Variants in COL5A2 observed in about 807,000 individuals in gnomAD.
The protein encoded by COL5A2 is collagen alpha-2(V) chain.
A neutral mutation model predicts 208.2 loss-of-function variants in COL5A2; 23 were observed. That is an observed-to-expected ratio of 0.11 (90% confidence interval 0.08 to 0.16). The LOEUF (loss-of-function observed/expected upper bound fraction) is 0.16, where lower values mean the gene tolerates loss of function less well. Among genes scored for constraint, COL5A2 ranks in the 10% least tolerant of loss-of-function variants. The pLI is 1.00. For synonymous variants in COL5A2, 625 were observed against 628.5 expected (o/e 0.99, Z 0.08); for missense variants, 1,590 against 1,956.4 (o/e 0.81, Z 3.53).
chr2:189,117,698 C>A (rs1687420361), intron 1 of COL5A2, among the ~76,000 whole-genome samples: 1 of 151,122 alleles, frequency 6.6e-6, no homozygotes, highest in South Asian at 2.1e-4. Flanking sequence ...CACACACATA[C>A]AACCATAACA....
intron 1 of COL5A2, among the ~76,000 whole-genome samples, chr2:189,126,208 G>T (rs1162663048): frequency 1.3e-5 from 2 of 151,770 alleles, no homozygotes. Context: ...AGAAATGTTA[G>T]TAAAGAAAAA....
rs540998943 is a variant in COL5A2, at chr2:189,080,267, T to C, written c.907-236A>G. ...GCAGTGTTCTCACCCTTCAAACACTTGTGACTTCATAGAAATTTAATCTGT... is the reference window on the plus strand; with the variant it reads ...GCAGTGTTCTCACCCTTCAAACACTCGTGACTTCATAGAAATTTAATCTGT... On this transcript the variant is annotated intron_variant, in intron 13 of 53. Coordinates refer to ENST00000374866, the MANE Select transcript of COL5A2 (RefSeq NM_000393.5). Among the ~76,000 whole-genome samples, 4 of 152,308 alleles carry C rather than the reference T, an allele frequency of 2.6e-5. No homozygotes were observed. In the South Asian group the frequency reaches 8.3e-4, roughly 32 times the overall value.
chr2:189,383,503 T>C, the COL5A2 span, among the ~76,000 whole-genome samples: 1 of 152,162 alleles, frequency 6.6e-6, no homozygotes, highest in Non-Finnish European at 1.5e-5. Flanking sequence ...CATAATTCAG[T>C]CCATAATAGG....
chr2:189,341,551 C>G, the COL5A2 span, among the ~76,000 whole-genome samples: 1 of 151,998 alleles, frequency 6.6e-6, no homozygotes, highest in Non-Finnish European at 1.5e-5. Flanking sequence ...TACTATATAA[C>G]AAAACAGGGA....
At chr2:189,286,495 C>T in the COL5A2 span, among the ~76,000 whole-genome samples, 7,179 of 151,946 alleles carry the variant, frequency 0.047, 200 homozygotes, top group African/African-American at 0.072. Flanking sequence ...TGAAGTATTG[C>T]TTTATTTTTC....
At chr2:189,188,706 G>A (rs893126124) in intron 1 of COL5A2, among the ~76,000 whole-genome samples, 5 of 152,162 alleles carry the variant, frequency 3.3e-5, no homozygotes, top group African/African-American at 1.2e-4. Flanking sequence ...TCCACGTCCT[G>A]CTTTTAAAAA....
intron 1 of COL5A2, among the ~76,000 whole-genome samples, chr2:189,140,080 T>A (rs907791542): frequency 2.0e-5 from 3 of 150,938 alleles, no homozygotes; most frequent in Admixed American, 2.0e-4. Context: ...CTCAAAAAAA[T>A]AAAAAAATAA....
At chr2:189,400,858 C>T in the COL5A2 span, among the ~76,000 whole-genome samples, 464 of 152,280 alleles carry the variant, frequency 3.0e-3, 4 homozygotes, top group African/African-American at 0.01. Flanking sequence ...AACATCAAAG[C>T]TGGCAAGAGT....
rs372812220 is a variant in COL5A2, at chr2:189,058,430, T to G, written c.2228A>C (p.Lys743Thr). The change falls in exon 33 of 54, where the codon AAA (lysine) becomes ACA (threonine). Residue 743 changes from lysine to threonine, a missense_variant and splice_region_variant. By Grantham distance (78) the Lys-to-Thr change is moderately conservative (BLOSUM62 -1). Transcript: ENST00000374866. ...CACTGAGATCACTATGACACTTACT[T>G]TTGGGCCATCAGGACCATGTCCTCC... ...MAGGHGPDGPKGSPGPSGTPG... is the reference protein window; with the variant it reads ...MAGGHGPDGPTGSPGPSGTPG... 9.2e-5 allele frequency: 149 copies of G among 1,612,770 alleles called. No individual in the cohort carries two copies. The highest frequency in any genetic ancestry group is 1.2e-4 in the Non-Finnish European group (147 of 1,178,880).
chr2:189,113,335 G>A lies in COL5A2; in HGVS notation c.98-2886C>T, dbSNP rs554000442. Among the ~76,000 whole-genome samples, 6 of 152,200 alleles carry A rather than the reference G, an allele frequency of 3.9e-5. No homozygotes were observed. The South Asian group carries it at 1.2e-3, about 32-fold the overall frequency. On this transcript the variant is annotated intron_variant, in intron 1 of 53. Transcript: ENST00000374866. Reference sequence around the variant, plus strand: ...CTCCAGCTACTCCGAAGGTGAGGTAGGAGGATGATTTTAGCTCAGGAGTTC... The same window carrying A: ...CTCCAGCTACTCCGAAGGTGAGGTAAGAGGATGATTTTAGCTCAGGAGTTC...
At position 189,064,647 on chromosome 2, in the gene COL5A2, T is replaced by C. The variant is rs745880832; in HGVS notation, c.1626A>G (p.Gln542=). The change falls in exon 25 of 54, where the codon CAA becomes CAG. Residue 542 remains glutamine (Q), a synonymous_variant. Transcript: ENST00000374866. ...SDGLPGPKGA[Q]GERGPVGSSG... is the part of the protein sequence containing the mutation. ...AAGAACCTACAGGACCCCGTTCTCC[T>C]TGAGCACCCTGTACCGAGGCAAAGC... 16 of 1,612,630 alleles carry C rather than the reference T, an allele frequency of 9.9e-6. No individual in the cohort carries two copies. The highest frequency in any genetic ancestry group is 1.4e-5 in the Non-Finnish European group (16 of 1,178,824).
intron 6 of COL5A2, among the ~76,000 whole-genome samples, chr2:189,095,521 C>A (rs1686889803): frequency 6.6e-6 from 1 of 152,036 alleles, no homozygotes; most frequent in African/African-American, 2.4e-5. Flanking sequence ...CACAAACACA[C>A]ACACACAACA....
chr2:189,342,738 A>G, the COL5A2 span, among the ~76,000 whole-genome samples: 1 of 151,590 alleles, frequency 6.6e-6, no homozygotes, highest in African/African-American at 2.4e-5. Flanking sequence ...CAATACCACT[A>G]TACATTTTGT....
In COL5A2 at chr2:189,058,910, T is replaced by G; in HGVS notation, c.2086-17A>C. ...AGGAACACCCTATAAACACATTTTT[T>G]TTTTTTAATGGAACAAGAGCTTTGA... On this transcript the variant is annotated splice_polypyrimidine_tract_variant and intron_variant, in intron 31 of 53. Coordinates refer to ENST00000374866, the MANE Select transcript of COL5A2 (RefSeq NM_000393.5). 6.2e-7 allele frequency: 1 copy of G among 1,612,712 alleles called. No homozygotes were observed. The highest frequency in any genetic ancestry group is 8.5e-7 in the Non-Finnish European group (1 of 1,178,952).
chr2:189,101,509 TTATAAATGTGTC>T (rs1403763852), intron 3 of COL5A2, among the ~76,000 whole-genome samples: 1 of 152,088 alleles, frequency 6.6e-6, no homozygotes, highest in Admixed American at 6.6e-5. Context: ...ATATCTTTGT[TTATAAATGTGTC>T]CATGGTATCT....
intron 35 of COL5A2, 96 bp from the exon 36 acceptor site, chr2:189,054,308 G>T: frequency 1.1e-6 from 1 of 918,042 alleles, no homozygotes; most frequent in Non-Finnish European, 1.8e-6. Context: ...CGACTATTTT[G>T]TTATAATTTG....
At chr2:189,086,813 A>T in intron 8 of COL5A2, 43 bp from the exon 9 acceptor site, 1 of 1,480,392 alleles carries the variant, frequency 6.8e-7, no homozygotes, top group Non-Finnish European at 9.3e-7. Flanking sequence ...TACTCATGAC[A>T]ATTAGGTCAA....
chr2:189,333,684 A>T, the COL5A2 span, among the ~76,000 whole-genome samples: 1 of 152,066 alleles, frequency 6.6e-6, no homozygotes, highest in Non-Finnish European at 1.5e-5. Flanking sequence ...TGTTCTTATA[A>T]AAAGATAAAA....
chr2:189,354,945 C>A, the COL5A2 span, among the ~76,000 whole-genome samples: 1 of 152,182 alleles, frequency 6.6e-6, no homozygotes, highest in Admixed American at 6.5e-5. Context: ...CTACACACTG[C>A]TTTAAATGTG....
Sources: gnomAD v4.1 joint callset for allele counts (sites outside exome capture counted in the v4.1 genomes callset) on GRCh38, gnomAD v4.1.1 for gene constraint, MANE v1.5 for transcripts, NCBI Gene and HGNC (gene_info 2026-07-23, HGNC 2026-07-21) for gene names.